DACH1: variants seen among roughly 807,000 people sequenced by gnomAD.
DACH1 encodes the protein dachshund family transcription factor 1.
In DACH1, 12 loss-of-function variants were observed where a neutral mutation model predicts 54.2. The ratio of observed to expected loss-of-function variants is 0.22; its 90% CI spans 0.14 to 0.36. The LOEUF (loss-of-function observed/expected upper bound fraction) is 0.36. DACH1 is among the 10% of genes least tolerant of loss of function. DACH1 has a pLI of 1.00. For synonymous variants in DACH1, 386 were observed against 366.2 expected, an observed-to-expected ratio of 1.05 and a Z score of -0.62; for missense variants, 805 against 929.8, an observed-to-expected ratio of 0.87 and a Z score of 1.75.
chr13:71,816,344 G>A (rs1042007643), intron 1 of DACH1, among the ~76,000 whole-genome samples: 4 of 151,778 alleles, frequency 2.6e-5, no homozygotes, highest in African/African-American at 9.7e-5. Context: ...TTGGGGAAAG[G>A]CAAGATTGTA....
At chr13:71,831,713 C>A (rs149574537) in intron 1 of DACH1, among the ~76,000 whole-genome samples, 2 of 151,912 alleles carry the variant, frequency 1.3e-5, no homozygotes, top group Non-Finnish European at 2.9e-5. Flanking sequence ...ATTCATGAAC[C>A]GAGGGATAAC....
intron 1 of DACH1, among the ~76,000 whole-genome samples, chr13:71,776,791 C>T (rs1003260540): frequency 6.6e-6 from 1 of 152,032 alleles, no homozygotes; most frequent in Non-Finnish European, 1.5e-5. Flanking sequence ...CCAAATAAAC[C>T]CTGCTGTTGC....
At chr13:71,561,585 C>A (rs997948154) in intron 4 of DACH1, among the ~76,000 whole-genome samples, 9 of 152,102 alleles carry the variant, frequency 5.9e-5, no homozygotes, top group Admixed American at 6.6e-5. Context: ...TCCTCATGAA[C>A]TCCTGATTTT....
chr13:71,641,047 A>T (rs1877859432), intron 2 of DACH1, among the ~76,000 whole-genome samples: 1 of 151,806 alleles, frequency 6.6e-6, no homozygotes, highest in Non-Finnish European at 1.5e-5. Flanking sequence ...TTTATTGTTG[A>T]GGACAGAAAA....
At chr13:71,519,038 T>C (rs1566312127) in intron 6 of DACH1, among the ~76,000 whole-genome samples, 1 of 151,714 alleles carries the variant, frequency 6.6e-6, no homozygotes, top group Non-Finnish European at 1.5e-5. Flanking sequence ...AACAGGAGAG[T>C]CGAGTAGTTG....
chr13:71,594,936 T>C (rs1290560417), intron 3 of DACH1, among the ~76,000 whole-genome samples: 2 of 152,150 alleles, frequency 1.3e-5, no homozygotes, highest in Non-Finnish European at 2.9e-5. Flanking sequence ...AATTATATAC[T>C]AGTTAAAATA....
intron 3 of DACH1, among the ~76,000 whole-genome samples, chr13:71,599,739 T>C (rs1302444134): frequency 6.6e-6 from 1 of 152,096 alleles, no homozygotes; most frequent in Non-Finnish European, 1.5e-5. Context: ...ATTGATTTCA[T>C]ACTAATTATG....
intron 10 of DACH1, among the ~76,000 whole-genome samples, chr13:71,461,734 T>C (rs1423442712): frequency 6.6e-6 from 1 of 151,992 alleles, no homozygotes; most frequent in East Asian, 1.9e-4. Context: ...TGAAATTGTA[T>C]ATAACTTCTC....
intron 6 of DACH1, among the ~76,000 whole-genome samples, chr13:71,528,905 T>A (rs1441939335): frequency 2.0e-5 from 3 of 152,130 alleles, no homozygotes; most frequent in African/African-American, 7.2e-5. Flanking sequence ...GGCAAATTAG[T>A]ATCATTACTA....
intron 1 of DACH1, among the ~76,000 whole-genome samples, chr13:71,732,056 C>A (rs1221228083): frequency 6.6e-6 from 1 of 152,142 alleles, no homozygotes; most frequent in African/African-American, 2.4e-5. Context: ...CTTATGTTAA[C>A]TATATTTGAT....
chr13:71,442,850 C>T (rs1050650824), intron 10 of DACH1, among the ~76,000 whole-genome samples: 1 of 151,746 alleles, frequency 6.6e-6, no homozygotes, highest in Admixed American at 6.6e-5. Context: ...GTAAATGTAG[C>T]CTTTCTGTCT....
At chr13:71,499,611 G>C (rs1298937520) in intron 6 of DACH1, among the ~76,000 whole-genome samples, 1 of 152,092 alleles carries the variant, frequency 6.6e-6, no homozygotes, top group Non-Finnish European at 1.5e-5. Context: ...CTAATTAAAG[G>C]TGATATGCCT....
intron 1 of DACH1, among the ~76,000 whole-genome samples, chr13:71,703,154 T>A (rs1461495940): frequency 6.6e-6 from 1 of 152,230 alleles, no homozygotes; most frequent in African/African-American, 2.4e-5. Flanking sequence ...AAATTCATGT[T>A]GACTAATAAG....
intron 6 of DACH1, among the ~76,000 whole-genome samples, chr13:71,506,936 C>G (rs1880379798): frequency 6.6e-6 from 1 of 151,162 alleles, no homozygotes; most frequent in South Asian, 2.1e-4. Context: ...AACGTTAGAC[C>G]TAAAACCATA....
chr13:71,652,866 G>T (rs1018766419), intron 2 of DACH1, among the ~76,000 whole-genome samples: 2 of 151,932 alleles, frequency 1.3e-5, no homozygotes, highest in African/African-American at 4.8e-5. Context: ...TAAATAAATA[G>T]CAACACTACA....
intron 2 of DACH1, among the ~76,000 whole-genome samples, chr13:71,672,207 C>T (rs571933190): frequency 9.2e-5 from 14 of 152,162 alleles, no homozygotes; most frequent in African/African-American, 3.4e-4. Flanking sequence ...CAAAGTTGTA[C>T]CATAATGTTC....
intron 1 of DACH1, among the ~76,000 whole-genome samples, chr13:71,717,020 G>T (rs1295135098): frequency 6.6e-6 from 1 of 151,848 alleles, no homozygotes; most frequent in African/African-American, 2.4e-5. Flanking sequence ...TACTTTACAG[G>T]AATAGCCTTT....
intron 6 of DACH1, among the ~76,000 whole-genome samples, chr13:71,549,707 C>A (rs978124027): frequency 6.6e-6 from 1 of 151,966 alleles, no homozygotes; most frequent in African/African-American, 2.4e-5. Context: ...GGAAATGTAA[C>A]CTTTATGTAA....
chr13:71,779,209 A>ATATATACTATGTGTG (rs1886234468), intron 1 of DACH1, among the ~76,000 whole-genome samples: 3 of 113,618 alleles, frequency 2.6e-5, no homozygotes, highest in Admixed American at 1.6e-4. Context: ...ATATATGTGT[A>ATATATACTATGTGTG]TATATATACG....
Sources: allele counts gnomAD v4.1 joint callset (sites outside exome capture counted in the v4.1 genomes callset), GRCh38; gene constraint gnomAD v4.1.1; transcripts MANE v1.5; gene names NCBI Gene and HGNC (gene_info 2026-07-23, HGNC 2026-07-21).